ABCC5: variants seen among roughly 807,000 people sequenced by gnomAD.
The protein encoded by ABCC5 is ATP-binding cassette sub-family C member 5.
ABCC5 carries 61 observed loss-of-function variants against 160.9 expected under a neutral mutation model. The observed-to-expected ratio is 0.38, with a 90% CI of 0.31 to 0.47. The LOEUF (loss-of-function observed/expected upper bound fraction) is 0.47, where lower values mean the gene tolerates loss of function less well. Ranked by LOEUF, ABCC5 falls within the 20% of genes least tolerant of loss-of-function variation. ABCC5 has a pLI of 0.99. For missense variants in ABCC5, 1,308 were observed against 1,813.3 expected (o/e 0.72, Z 5.06); for synonymous variants, 666 against 700.6 (o/e 0.95, Z 0.78).
rs1715539145 is a variant in ABCC5 at position 183,953,090 on chromosome 3, C to T, written c.2663G>A (p.Ser888Asn). 3.7e-6 allele frequency: 6 copies of T among 1,613,384 alleles called. No individual in the cohort carries two copies. Among genetic ancestry groups the T allele is most frequent in the Non-Finnish European group, 2.5e-6 (3 of 1,179,728 alleles). ...CCCATTTATGAGTAACCTTACCCCG[C>T]TTCCTTGCTTGATCCAGTAACTCAA... ...WWLSYWIKQG[S>N]GNTTVTRGNE... Residue 888 changes from serine to asparagine, a missense_variant, in exon 18 of 30, where the codon AGC becomes AAC. Ser to Asn is a conservative substitution (Grantham distance 46). Around this residue, in one of 3 missense-constraint regions of ABCC5, gnomAD observed 1,142 missense variants for 1,527.1 expected, o/e 0.75. Transcript: ENST00000334444.
At chr3:184,013,657 C>G (rs921551298) in intron 2 of ABCC5, among the ~76,000 whole-genome samples, 1 of 152,016 alleles carries the variant, frequency 6.6e-6, no homozygotes, top group Non-Finnish European at 1.5e-5. Context: ...TGTCATTGAC[C>G]CCATGACCCC....
At chr3:183,998,292 T>G (rs925966372) in intron 2 of ABCC5, among the ~76,000 whole-genome samples, 1 of 152,186 alleles carries the variant, frequency 6.6e-6, no homozygotes, top group African/African-American at 2.4e-5. Flanking sequence ...CTATTAACTT[T>G]AGTACTTTCA....
chr3:183,991,306 G>GA (rs11404217), intron 2 of ABCC5, among the ~76,000 whole-genome samples: 60,851 of 146,348 alleles, frequency 0.42, 12,905 homozygotes, highest in African/African-American at 0.54. Flanking sequence ...CTAAAAGAAG[G>GA]AAAAAAAAAA....
At chr3:184,008,196 G>T (rs1244474606) in intron 2 of ABCC5, among the ~76,000 whole-genome samples, 1 of 152,174 alleles carries the variant, frequency 6.6e-6, no homozygotes, top group Admixed American at 6.5e-5. Flanking sequence ...AGACCACTCG[G>T]TTCAGTGCTG....
rs147905883 is a variant in ABCC5 at position 183,998,173 on chromosome 3, G to A, written c.130-8790C>T. ...ATTTAGGATAAATTCTATCCCTGGG[G>A]TTACAGGATTAAAAAAATGTAGCTC... On this transcript the variant is annotated intron_variant, in intron 2 of 29. Coordinates refer to ENST00000334444, the MANE Select transcript of ABCC5 (RefSeq NM_005688.4). Among the ~76,000 whole-genome samples, 338 of 152,012 alleles carry A rather than the reference G, an allele frequency of 2.2e-3. 1 individual carries two copies. Among genetic ancestry groups the A allele is most frequent in the African/African-American group, 7.5e-3 (310 of 41,486 alleles).
intron 27 of ABCC5, among the ~76,000 whole-genome samples, chr3:183,928,169 G>A (rs1712790759): frequency 6.7e-6 from 1 of 149,722 alleles, no homozygotes; most frequent in South Asian, 2.1e-4. Flanking sequence ...CTGGAGTGCA[G>A]TGGTGCGCTC....
At chr3:183,960,187 T>C (rs548575011) in intron 16 of ABCC5, among the ~76,000 whole-genome samples, 2 of 152,234 alleles carry the variant, frequency 1.3e-5, no homozygotes, top group Non-Finnish European at 2.9e-5. Context: ...ATCTGATCAT[T>C]TCCCACTGCT....
chr3:183,973,415 A>G (rs143880691), intron 10 of ABCC5, among the ~76,000 whole-genome samples: 1 of 152,210 alleles, frequency 6.6e-6, no homozygotes, highest in African/African-American at 2.4e-5. Context: ...GTATGATTTA[A>G]AATATATTTA....
Position 184,014,300 on chromosome 3 carries a change from T to A in ABCC5, c.93A>T (p.Arg31Ser). Residue 31 changes from arginine (R) to serine (S), a missense_variant, in exon 2 of 30, where the codon AGA becomes AGT. Around this residue, in one of 3 missense-constraint regions of ABCC5, gnomAD observed 1,142 missense variants for 1,527.1 expected, o/e 0.75. Transcript: ENST00000334444. ...RERTSTSGTH[R>S]DREDSKFRRT... is the part of the protein sequence containing the mutation. ...TCCTGAACTTGGAATCTTCACGGTC[T>A]CTGTGCGTCCCAGAAGTGCTGGTTC... 1.2e-6 allele frequency: 2 copies of A among 1,614,142 alleles called. No individual in the cohort carries two copies. Among genetic ancestry groups the A allele is most frequent in the Non-Finnish European group, 1.7e-6 (2 of 1,180,014 alleles).
chr3:183,935,733 C>T (rs1713646641), intron 26 of ABCC5, among the ~76,000 whole-genome samples: 1 of 152,050 alleles, frequency 6.6e-6, no homozygotes, highest in South Asian at 2.1e-4. Flanking sequence ...AACTCCTGAC[C>T]TCAGGTGATC....
chr3:183,945,137 C>A (rs563141335), intron 24 of ABCC5, among the ~76,000 whole-genome samples: 2 of 152,174 alleles, frequency 1.3e-5, no homozygotes, highest in South Asian at 2.1e-4. Flanking sequence ...GTTAAGCCTT[C>A]GGAACTGTGA....
intron 17 of ABCC5, among the ~76,000 whole-genome samples, chr3:183,956,980 A>G (rs368142324): frequency 7.4e-4 from 100 of 135,134 alleles, no homozygotes; most frequent in Middle Eastern, 4.1e-3. Flanking sequence ...TTACATGCGG[A>G]TCCGTGTGTA....
chr3:183,951,591 T>C lies in ABCC5; in HGVS notation c.2815-21A>G, dbSNP rs772928348. 1.2e-6 allele frequency: 2 copies of C among 1,612,760 alleles called. No homozygotes were observed. The highest frequency in any genetic ancestry group is 1.3e-5 in the African/African-American group (1 of 74,934). ...GTGCCCTGAGGAGCAGAGCACAGAGTGGTCAGGGCCCAGGGACGGCTCTGT... is the reference window on the plus strand; with the variant it reads ...GTGCCCTGAGGAGCAGAGCACAGAGCGGTCAGGGCCCAGGGACGGCTCTGT... On this transcript the variant is annotated intron_variant, in intron 19 of 29. Coordinates refer to ENST00000334444, the MANE Select transcript of ABCC5 (RefSeq NM_005688.4). This position sits in a 1 kb window ranked among gnomAD's most constrained non-coding sequence, Gnocchi z 4.7.
intron 2 of ABCC5, among the ~76,000 whole-genome samples, chr3:183,991,858 G>GA (rs993531529): frequency 8.5e-5 from 13 of 152,070 alleles, no homozygotes; most frequent in Non-Finnish European, 1.9e-4. Flanking sequence ...CAAGGGGAAG[G>GA]AAAAAACCTC....
At chr3:183,922,821 G>GCGTGTCCTTCCTTTGGACA (rs3840257) in intron 29 of ABCC5, among the ~76,000 whole-genome samples, 19,054 of 151,034 alleles carry the variant, frequency 0.13, 1,377 homozygotes, top group East Asian at 0.31. Flanking sequence ...GAGAACATAA[G>GCGTGTCCTTCCTTTGGACA]CGTGTCCTTC....
At chr3:184,014,500 C>A (rs1722025866) in intron 1 of ABCC5, 53 bp from the exon 2 acceptor site, 2 of 1,157,322 alleles carry the variant, frequency 1.7e-6, no homozygotes, top group Non-Finnish European at 1.1e-6. Flanking sequence ...AGTACTTAAC[C>A]ATAAGCTCAA....
chr3:183,943,641 A>G (rs1714570920), intron 24 of ABCC5, among the ~76,000 whole-genome samples: 2 of 152,132 alleles, frequency 1.3e-5, no homozygotes, highest in Non-Finnish European at 2.9e-5. Flanking sequence ...GGGGGAAGTA[A>G]GGGCCAAAGA....
At position 183,942,710 on chromosome 3, in the gene ABCC5, G is replaced by A. The variant is rs1483851305; in HGVS notation, c.3694+17C>T. 1 of 1,608,224 alleles carries A rather than the reference G, an allele frequency of 6.2e-7. No homozygotes were observed. The highest frequency in any genetic ancestry group is 2.2e-5 in the East Asian group (1 of 44,762). ...CTACGTTCCAATGGATTCAAAGAAG[G>A]CTTTGCACATCCTTACCTGATCCTG... On this transcript the variant is annotated intron_variant, in intron 25 of 29. Transcript: ENST00000334444.
At chr3:183,979,956 A>G (rs1300949997) in intron 8 of ABCC5, among the ~76,000 whole-genome samples, 1 of 151,684 alleles carries the variant, frequency 6.6e-6, no homozygotes, top group Non-Finnish European at 1.5e-5. Context: ...GCTCACTGCA[A>G]CCTCTGCCTC....
Sources: allele counts gnomAD v4.1 joint callset (sites outside exome capture counted in the v4.1 genomes callset), GRCh38; gene constraint gnomAD v4.1.1; regional missense constraint gnomAD v4.1.1; non-coding constraint Gnocchi (gnomAD v3.1); transcripts MANE v1.5; gene names NCBI Gene and HGNC (gene_info 2026-07-23, HGNC 2026-07-21).